CAMK2D: variants seen among roughly 807,000 people sequenced by gnomAD.
CAMK2D encodes calcium/calmodulin dependent protein kinase II delta, also known as calcium/calmodulin-dependent protein kinase type II subunit delta.
Under a neutral mutation model 84.0 loss-of-function variants are expected in CAMK2D, and 37 were observed. The ratio of observed to expected loss-of-function variants is 0.44; its 90% CI spans 0.34 to 0.58. The LOEUF is 0.58. Among genes scored for constraint, CAMK2D ranks in the 20% least tolerant of loss-of-function variants. The probability of loss-of-function intolerance (pLI) is 0.02; values close to 1 mark genes in which losing one functional copy is unlikely to be tolerated. For missense variants in CAMK2D, 448 were observed against 652.5 expected (o/e 0.69, Z 3.41); for synonymous variants, 202 against 212.5 (o/e 0.95, Z 0.43).
At chr4:113,477,979 T>G (rs904360263) in intron 16 of CAMK2D, among the ~76,000 whole-genome samples, 12 of 152,136 alleles carry the variant, frequency 7.9e-5, no homozygotes, top group African/African-American at 2.7e-4. Context: ...TGAGTATGAC[T>G]CCTTCAAAAG....
chr4:113,761,181 T>G lies in CAMK2D; in HGVS notation c.-113A>C. On this transcript the variant is annotated 5_prime_UTR_variant, in exon 1 of 21. Coordinates refer to ENST00000511664, the MANE Select transcript of CAMK2D (RefSeq NM_001321571.2). ...CTGTCACCCAGGGCCGCTCTTACTT[T>G]CCTGGTCCGAAAGTAGCTCGCCCGC... 2.7e-6 allele frequency: 4 copies of G among 1,471,398 alleles called. No individual in the cohort carries two copies. The highest frequency in any genetic ancestry group is 1.4e-5 in the African/African-American group (1 of 71,304). 91.1% of individuals were successfully genotyped at this position (1,471,398 alleles called of 1,614,324 possible).
chr4:113,601,215 C>T (rs771991753), intron 4 of CAMK2D, among the ~76,000 whole-genome samples: 1 of 152,100 alleles, frequency 6.6e-6, no homozygotes, highest in Non-Finnish European at 1.5e-5. Context: ...TTTAATTTGC[C>T]ACTGTGGAGC....
Position 113,509,763 on chromosome 4 carries a change from T to TACCA in CAMK2D, c.947-92_947-89dup, listed in dbSNP as rs1159514229. The stretch of plus-strand genomic sequence containing the variant: ...AAGCAGTCAGGTTATTGTCTCCTTC[T>TACCA]ACCACCTTTGCTGAGTTCTGGCCAA... On this transcript the variant is annotated intron_variant, in intron 12 of 20. Transcript: ENST00000511664. 4.3e-6 allele frequency: 4 copies of TACCA among 925,620 alleles called. No homozygotes were observed. In the Admixed American group the frequency reaches 5.5e-5, roughly 13 times the overall value. The allele number at this position is 925,620 out of a possible 1,614,324, so 57.3% of individuals were successfully genotyped here. A position where few individuals can be genotyped will look rare whatever the true frequency, so the allele number is the denominator to read the frequency against.
intron 2 of CAMK2D, among the ~76,000 whole-genome samples, chr4:113,733,907 GT>G (rs1011380175): frequency 2.7e-4 from 41 of 152,100 alleles, no homozygotes; most frequent in Non-Finnish European, 4.6e-4. Flanking sequence ...TCAACCATTG[GT>G]AAGCCAAAGG....
intron 4 of CAMK2D, among the ~76,000 whole-genome samples, chr4:113,570,793 G>T (rs925696106): frequency 6.6e-6 from 1 of 151,988 alleles, no homozygotes; most frequent in Non-Finnish European, 1.5e-5. Flanking sequence ...AGCAAAAATA[G>T]ATGAGATTAC....
chr4:113,483,647 C>G (rs947613893), intron 16 of CAMK2D, among the ~76,000 whole-genome samples: 2 of 152,072 alleles, frequency 1.3e-5, no homozygotes, highest in African/African-American at 4.8e-5. Flanking sequence ...CCCAGGTGAT[C>G]CACCCGCCTC....
intron 2 of CAMK2D, among the ~76,000 whole-genome samples, chr4:113,668,248 G>A (rs1438312715): frequency 6.6e-6 from 1 of 152,114 alleles, no homozygotes; most frequent in East Asian, 1.9e-4. Context: ...CCATAACGAA[G>A]GTCCCTAATT....
At chr4:113,639,772 A>G (rs966423397) in intron 3 of CAMK2D, among the ~76,000 whole-genome samples, 8 of 152,078 alleles carry the variant, frequency 5.3e-5, no homozygotes, top group African/African-American at 1.9e-4. Flanking sequence ...GTATGGCTGG[A>G]GAGTAGCAAA....
At chr4:113,504,777 AC>A (rs2098105133) in intron 14 of CAMK2D, among the ~76,000 whole-genome samples, 198 bp downstream of exon 14, 1 of 151,642 alleles carries the variant, frequency 6.6e-6, no homozygotes. Context: ...CTGCTTGACA[AC>A]TAACTTAACC....
intron 2 of CAMK2D, among the ~76,000 whole-genome samples, chr4:113,683,850 G>A (rs962563901): frequency 2.0e-5 from 3 of 152,192 alleles, no homozygotes; most frequent in African/African-American, 7.2e-5. Flanking sequence ...GAGGCACGAG[G>A]AACCAGATTC....
At chr4:113,736,638 C>T (rs2099582029) in intron 2 of CAMK2D, among the ~76,000 whole-genome samples, 1 of 152,136 alleles carries the variant, frequency 6.6e-6, no homozygotes, top group Non-Finnish European at 1.5e-5. Context: ...CTCCATATCA[C>T]TGCAATGCAA....
chr4:113,468,621 C>T (rs1287507357), intron 16 of CAMK2D, among the ~76,000 whole-genome samples: 2 of 152,122 alleles, frequency 1.3e-5, no homozygotes, highest in Non-Finnish European at 2.9e-5. Flanking sequence ...TTAGCTAGCT[C>T]TACTCTCAAT....
chr4:113,505,568 A>C (rs981041705), intron 13 of CAMK2D, among the ~76,000 whole-genome samples: 6 of 152,146 alleles, frequency 3.9e-5, no homozygotes, highest in Admixed American at 6.5e-5. Context: ...GCTTTTAAAA[A>C]TGACAAGTGT....
chr4:113,494,636 G>A, intron 16 of CAMK2D, among the ~76,000 whole-genome samples: 1 of 152,240 alleles, frequency 6.6e-6, no homozygotes, highest in East Asian at 1.9e-4. Context: ...TACAGAGGCA[G>A]GCAGGCCTCC....
chr4:113,684,538 A>G (rs1247789001), intron 2 of CAMK2D, among the ~76,000 whole-genome samples: 1 of 152,204 alleles, frequency 6.6e-6, no homozygotes, highest in Non-Finnish European at 1.5e-5. Flanking sequence ...TGTGTAACAG[A>G]GGACTTGCTC....
At chr4:113,693,070 T>A (rs2099392953) in intron 2 of CAMK2D, among the ~76,000 whole-genome samples, 1 of 152,108 alleles carries the variant, frequency 6.6e-6, no homozygotes, top group Non-Finnish European at 1.5e-5. Flanking sequence ...AAAACAAGTC[T>A]ACAGCAGGTA....
chr4:113,610,959 A>C (rs2098997571), intron 3 of CAMK2D, among the ~76,000 whole-genome samples: 1 of 152,018 alleles, frequency 6.6e-6, no homozygotes, highest in Admixed American at 6.6e-5. Flanking sequence ...ATGGTCTTTC[A>C]TCAAATTGTT....
chr4:113,542,804 A>G (rs978993913), intron 6 of CAMK2D, among the ~76,000 whole-genome samples: 13 of 152,072 alleles, frequency 8.5e-5, no homozygotes, highest in African/African-American at 2.2e-4. Context: ...AATTTAATTT[A>G]TTCCTATGAA....
At chr4:113,541,557 C>A (rs1304962963) in intron 6 of CAMK2D, among the ~76,000 whole-genome samples, 1 of 152,082 alleles carries the variant, frequency 6.6e-6, no homozygotes, top group Admixed American at 6.5e-5. Flanking sequence ...AAAGACTCAA[C>A]CATTAGGAAT....
Sources: gnomAD v4.1 joint callset for allele counts (sites outside exome capture counted in the v4.1 genomes callset) on GRCh38, gnomAD v4.1.1 for gene constraint, MANE v1.5 for transcripts, NCBI Gene and HGNC (gene_info 2026-07-23, HGNC 2026-07-21) for gene names.